Variants in MACROD2 observed in about 807,000 individuals in gnomAD.
The protein encoded by MACROD2 is ADP-ribose glycohydrolase MACROD2.
Under a neutral mutation model 70.4 loss-of-function variants are expected in MACROD2, and 36 were observed. That is an observed-to-expected ratio of 0.51 (90% confidence interval 0.39 to 0.68). The LOEUF (loss-of-function observed/expected upper bound fraction) is 0.68, where lower values mean the gene tolerates loss of function less well. MACROD2 is among the 30% of genes least tolerant of loss of function. The pLI, the probability that MACROD2 is intolerant of heterozygous loss-of-function variation, is 0.00. For synonymous variants in MACROD2, 172 were observed against 178.8 expected (o/e 0.96, Z 0.30); for missense variants, 496 against 538.4 (o/e 0.92, Z 0.78).
At chr20:15,468,989 A>T (rs1364328815) in intron 7 of MACROD2, among the ~76,000 whole-genome samples, 2 of 152,252 alleles carry the variant, frequency 1.3e-5, no homozygotes, top group Non-Finnish European at 2.9e-5. Context: ...ACACATTTCT[A>T]TATAGTTCCT....
At chr20:15,086,615 A>C (rs2075750699) in intron 5 of MACROD2, among the ~76,000 whole-genome samples, 1 of 152,168 alleles carries the variant, frequency 6.6e-6, no homozygotes, top group Non-Finnish European at 1.5e-5. Flanking sequence ...CCTACCCTTT[A>C]GTCTGTTCAC....
chr20:15,925,726 C>T (rs1216983577), intron 10 of MACROD2, among the ~76,000 whole-genome samples: 2 of 152,170 alleles, frequency 1.3e-5, no homozygotes, highest in African/African-American at 4.8e-5. Flanking sequence ...TGCATTTCGT[C>T]TCTTTGAACA....
intron 6 of MACROD2, among the ~76,000 whole-genome samples, chr20:15,421,880 C>T (rs146631387): frequency 1.3e-5 from 2 of 152,128 alleles, no homozygotes; most frequent in African/African-American, 4.8e-5. Flanking sequence ...ACAAAGCAGG[C>T]TAAGCAATAG....
chr20:15,669,005 C>A (rs1227946960), intron 8 of MACROD2, among the ~76,000 whole-genome samples: 1 of 152,000 alleles, frequency 6.6e-6, no homozygotes, highest in African/African-American at 2.4e-5. Flanking sequence ...CGTTAAAAAC[C>A]CAAGAACAGG....
intron 5 of MACROD2, among the ~76,000 whole-genome samples, chr20:14,854,128 G>A (rs1007295632): frequency 3.3e-5 from 5 of 152,062 alleles, no homozygotes; most frequent in African/African-American, 4.8e-5. Flanking sequence ...ATTTTTGTCC[G>A]TGAGTTCAGG....
chr20:15,461,006 A>ATTTTTTT lies in MACROD2; in HGVS notation c.571+29574_571+29580dup, dbSNP rs951397131. On this transcript the variant is annotated intron_variant, in intron 7 of 17. Coordinates refer to ENST00000684519, the MANE Select transcript of MACROD2 (RefSeq NM_001351661.2). ...TATATATATATATATATATATATAT[A>ATTTTTTT]TTTTTTTTTAATAGATGGGGTCTTG... 2.2e-3 allele frequency among the ~76,000 whole-genome samples: 145 copies of ATTTTTTT among 66,886 alleles called. 8 individuals carry two copies. The highest frequency in any genetic ancestry group is 3.9e-3 in the African/African-American group (92 of 23,692). 43.9% of individuals were successfully genotyped at this position (66,886 alleles called of 152,430 possible). A position where few individuals can be genotyped will look rare whatever the true frequency, so the allele number is the denominator to read the frequency against.
chr20:14,270,407 T>C (rs2082181887), intron 3 of MACROD2, among the ~76,000 whole-genome samples: 1 of 152,056 alleles, frequency 6.6e-6, no homozygotes, highest in South Asian at 2.1e-4. Context: ...CTGGCCAATA[T>C]GTTGAAACCC....
chr20:15,450,084 C>T (rs1281302949), intron 7 of MACROD2, among the ~76,000 whole-genome samples: 2 of 151,998 alleles, frequency 1.3e-5, no homozygotes, highest in Non-Finnish European at 2.9e-5. Flanking sequence ...ATACACACAC[C>T]ATACAGGTAT....
intron 8 of MACROD2, among the ~76,000 whole-genome samples, chr20:15,839,750 A>G (rs2064151217): frequency 6.6e-6 from 1 of 152,132 alleles, no homozygotes; most frequent in Admixed American, 6.5e-5. Context: ...ACAAACATAT[A>G]TATGAATGTG....
chr20:14,492,645 A>G (rs1481847694), intron 3 of MACROD2, among the ~76,000 whole-genome samples: 1 of 152,140 alleles, frequency 6.6e-6, no homozygotes. Context: ...TTTGGTTGCT[A>G]CCTACTTTCC....
intron 5 of MACROD2, among the ~76,000 whole-genome samples, chr20:15,206,930 G>T (rs1249131314): frequency 6.7e-6 from 1 of 150,308 alleles, no homozygotes. Context: ...TAGAGACGGG[G>T]TTTCACCTTG....
rs115481825 is a variant in MACROD2, at chr20:15,686,585, T to G, written c.646-176160T>G. ...CAATTATTAGTCAAATAAAATACAATTTGTTGGCCGGGCATGGTGGCTCAT... is the reference window on the plus strand; with the variant it reads ...CAATTATTAGTCAAATAAAATACAAGTTGTTGGCCGGGCATGGTGGCTCAT... On this transcript the variant is annotated intron_variant, in intron 8 of 17. Coordinates refer to ENST00000684519, the MANE Select transcript of MACROD2 (RefSeq NM_001351661.2). Among the ~76,000 whole-genome samples, 1,502 of 152,166 alleles carry G rather than the reference T, an allele frequency of 9.9e-3. 22 individuals carry two copies. The highest frequency in any genetic ancestry group is 0.035 in the African/African-American group (1,435 of 41,526).
At chr20:15,427,740 C>G (rs1366877663) in intron 6 of MACROD2, among the ~76,000 whole-genome samples, 1 of 152,152 alleles carries the variant, frequency 6.6e-6, no homozygotes, top group Non-Finnish European at 1.5e-5. Flanking sequence ...TGAGCAGGAG[C>G]ATGATTCTGG....
chr20:14,273,812 T>G (rs1373878904), intron 3 of MACROD2, among the ~76,000 whole-genome samples: 3 of 150,416 alleles, frequency 2.0e-5, no homozygotes, highest in Non-Finnish European at 4.4e-5. Flanking sequence ...ATAAAGGGGA[T>G]ATCACCACCG....
chr20:14,255,349 C>T (rs1329524394), intron 3 of MACROD2, among the ~76,000 whole-genome samples: 1 of 151,996 alleles, frequency 6.6e-6, no homozygotes, highest in Non-Finnish European at 1.5e-5. Flanking sequence ...GAATACTATG[C>T]AGCCATAAAA....
intron 3 of MACROD2, among the ~76,000 whole-genome samples, chr20:14,229,722 G>C (rs754315412): frequency 2.0e-5 from 3 of 152,148 alleles, no homozygotes; most frequent in African/African-American, 4.8e-5. Flanking sequence ...ACCCTGAGTT[G>C]AAGACTGTCC....
chr20:15,750,415 G>A (rs1188880525), intron 8 of MACROD2, among the ~76,000 whole-genome samples: 3 of 151,740 alleles, frequency 2.0e-5, no homozygotes, highest in Non-Finnish European at 3.0e-5. Flanking sequence ...GCTTGTCCTC[G>A]AGAAAACGTA....
intron 5 of MACROD2, among the ~76,000 whole-genome samples, chr20:14,912,233 C>T (rs1221057688): frequency 2.0e-5 from 3 of 152,158 alleles, no homozygotes; most frequent in Non-Finnish European, 2.9e-5. Flanking sequence ...TCATTGTCAC[C>T]TGTGAGGCTA....
At chr20:14,642,452 C>A (rs1283129536) in intron 4 of MACROD2, among the ~76,000 whole-genome samples, 1 of 152,126 alleles carries the variant, frequency 6.6e-6, no homozygotes, top group African/African-American at 2.4e-5. Flanking sequence ...CTATTTGGTG[C>A]AAGAGGCCTA....
Sources: allele counts gnomAD v4.1 joint callset (sites outside exome capture counted in the v4.1 genomes callset), GRCh38; gene constraint gnomAD v4.1.1; transcripts MANE v1.5; gene names NCBI Gene and HGNC (gene_info 2026-07-23, HGNC 2026-07-21).